KIAA1217: variants seen among roughly 807,000 people sequenced by gnomAD.
KIAA1217 encodes sickle tail protein homolog.
A neutral mutation model predicts 163.9 loss-of-function variants in KIAA1217; 88 were observed. That is an observed-to-expected ratio of 0.54 (90% CI 0.45 to 0.64). KIAA1217 has a LOEUF of 0.64. Ranked by LOEUF, KIAA1217 falls within the 30% of genes least tolerant of loss-of-function variation. The pLI is 0.00. For synonymous variants in KIAA1217, 903 were observed against 923.1 expected (o/e 0.98, Z 0.39); for missense variants, 2,372 against 2,475.0 (o/e 0.96, Z 0.88).
chr10:24,014,043 C>T (rs1207950606), intron 2 of KIAA1217, among the ~76,000 whole-genome samples: 2 of 152,256 alleles, frequency 1.3e-5, no homozygotes, highest in East Asian at 3.9e-4. Flanking sequence ...ACTTTCTTGA[C>T]AGGCAGTAGG....
chr10:24,237,692 G>A (rs369499975), intron 2 of KIAA1217, among the ~76,000 whole-genome samples: 1 of 152,302 alleles, frequency 6.6e-6, no homozygotes, highest in African/African-American at 2.4e-5. Flanking sequence ...GGTTATATCT[G>A]GTTTTTGTTT....
At chr10:23,894,965 C>T (rs532729791) in intron 1 of KIAA1217, among the ~76,000 whole-genome samples, 1 of 152,232 alleles carries the variant, frequency 6.6e-6, no homozygotes, top group African/African-American at 2.4e-5. Context: ...TGGATCCCTT[C>T]CTTACACCTG....
At chr10:24,300,039 C>T (rs220368) in intron 2 of KIAA1217, among the ~76,000 whole-genome samples, 140,248 of 152,232 alleles carry the variant, frequency 0.92, 64,865 homozygotes, top group Non-Finnish European at 0.95. Flanking sequence ...GATTTCTCTG[C>T]TACCGCAGAG....
intron 1 of KIAA1217, among the ~76,000 whole-genome samples, chr10:23,933,085 G>C (rs1843324677): frequency 6.6e-6 from 1 of 152,170 alleles, no homozygotes; most frequent in Non-Finnish European, 1.5e-5. Flanking sequence ...GCTGCTGATT[G>C]CTATTATTTT....
In KIAA1217 at chr10:23,697,340, G is replaced by A. The variant is rs140700131; in HGVS notation, c.-321+2106G>A. Among the ~76,000 whole-genome samples the A allele has an allele frequency of 5.5e-4, 83 of 152,208 alleles. No homozygotes were observed. In the East Asian group the frequency reaches 6.6e-3, roughly 12 times the overall value. On this transcript the variant is annotated intron_variant, in intron 1 of 18. Transcript: ENST00000376462. ...GAATTTATACCCTTGTGCTTTAAAC[G>A]TACTTCATTTAAACCTCATTAAAAT...
chr10:24,048,882 T>C (rs1564637049), intron 2 of KIAA1217, among the ~76,000 whole-genome samples: 1 of 151,436 alleles, frequency 6.6e-6, no homozygotes, highest in Non-Finnish European at 1.5e-5. Flanking sequence ...AATACAAAAA[T>C]TAGCTGTGTG....
rs182225559 is a variant in KIAA1217, at chr10:24,189,400, G to A, written c.-170-30226G>A. Among the ~76,000 whole-genome samples, 65 of 152,246 alleles carry A rather than the reference G, an allele frequency of 4.3e-4. 1 individual carries two copies. The highest frequency in any genetic ancestry group is 2.5e-3 in the East Asian group (13 of 5,166). On this transcript the variant is annotated intron_variant, in intron 2 of 18. Coordinates refer to the KIAA1217 transcript ENST00000376462. ...GAGCAATTCTAGACAATGATTGGTC[G>A]CCTTGGTATAGAACTCTACAATTCC...
At chr10:24,105,040 A>G (rs879845697) in intron 2 of KIAA1217, among the ~76,000 whole-genome samples, 6 of 151,788 alleles carry the variant, frequency 4.0e-5, no homozygotes, top group Non-Finnish European at 8.8e-5. Context: ...GTTCAAAATG[A>G]TGAAACTTCC....
In KIAA1217 at chr10:23,998,706, G is replaced by C. The variant is rs191263081; in HGVS notation, c.-320-8519G>C. ...GGGGAGAATTAGTTGGGGAAACTGG[G>C]CACTTACAAAAGGTCTTACTGATTC... is the stretch of plus-strand genomic sequence containing the variant. On this transcript the variant is annotated intron_variant, in intron 1 of 18. Coordinates refer to the KIAA1217 transcript ENST00000376462. 1.2e-3 allele frequency among the ~76,000 whole-genome samples: 179 copies of C among 152,318 alleles called. 1 individual carries two copies. Among genetic ancestry groups the C allele is most frequent in the African/African-American group, 3.9e-3 (164 of 41,578 alleles).
intron 2 of KIAA1217, among the ~76,000 whole-genome samples, chr10:24,140,274 G>A (rs2064004329): frequency 6.6e-6 from 1 of 151,560 alleles, no homozygotes; most frequent in African/African-American, 2.4e-5. Flanking sequence ...GCAGGAGAAT[G>A]GCATGAACCC....
intron 2 of KIAA1217, among the ~76,000 whole-genome samples, chr10:24,199,703 T>C (rs1050861664): frequency 1.3e-5 from 2 of 152,222 alleles, no homozygotes; most frequent in African/African-American, 2.4e-5. Context: ...TATGTGTCTG[T>C]TTTTAAAGAT....
At chr10:23,898,295 CTA>C (rs202024385) in intron 1 of KIAA1217, among the ~76,000 whole-genome samples, 8 of 150,138 alleles carry the variant, frequency 5.3e-5, no homozygotes, top group Non-Finnish European at 1.0e-4. Context: ...ATTTATAAGA[CTA>C]TATATATACA....
At chr10:24,278,599 A>T (rs959609216) in intron 2 of KIAA1217, among the ~76,000 whole-genome samples, 1 of 152,062 alleles carries the variant, frequency 6.6e-6, no homozygotes, top group Non-Finnish European at 1.5e-5. Context: ...TTGGATACCA[A>T]CTCTGCTGTT....
At chr10:23,765,609 G>A (rs1393612248) in intron 1 of KIAA1217, among the ~76,000 whole-genome samples, 3 of 152,126 alleles carry the variant, frequency 2.0e-5, no homozygotes, top group East Asian at 1.9e-4. Flanking sequence ...GGAAGTGATC[G>A]AATCATGGGG....
chr10:23,929,664 C>G (rs892700184), intron 1 of KIAA1217, among the ~76,000 whole-genome samples: 1 of 152,120 alleles, frequency 6.6e-6, no homozygotes, highest in Non-Finnish European at 1.5e-5. Context: ...TTTGTGGCTG[C>G]GTAGTATCCA....
chr10:23,840,068 T>C lies in KIAA1217; in HGVS notation c.-321+144834T>C, dbSNP rs141544065. 9.0e-4 allele frequency among the ~76,000 whole-genome samples: 137 copies of C among 152,244 alleles called. 3 individuals carry two copies. In the East Asian group the frequency reaches 0.025, roughly 28 times the overall value. On this transcript the variant is annotated intron_variant, in intron 1 of 18. Transcript: ENST00000376462. Reference sequence around the variant, plus strand: ...GGGCAGTGGTGGAAATTGCCTAATGTCCTCTCCTTAAGTTCTGTCCACATT... The same window carrying C: ...GGGCAGTGGTGGAAATTGCCTAATGCCCTCTCCTTAAGTTCTGTCCACATT...
At chr10:24,193,608 G>C (rs1005977162) in intron 2 of KIAA1217, among the ~76,000 whole-genome samples, 4 of 152,184 alleles carry the variant, frequency 2.6e-5, no homozygotes, top group African/African-American at 4.8e-5. Context: ...ACCTGAACAT[G>C]AACAATGGCT....
intron 1 of KIAA1217, among the ~76,000 whole-genome samples, chr10:23,919,277 C>A (rs1354584128): frequency 6.6e-6 from 1 of 151,954 alleles, no homozygotes; most frequent in Middle Eastern, 3.4e-3. Context: ...CTGCAACCAA[C>A]CCCCACCCCA....
chr10:23,931,399 C>T (rs758440557), intron 1 of KIAA1217, among the ~76,000 whole-genome samples: 1 of 152,146 alleles, frequency 6.6e-6, no homozygotes, highest in Admixed American at 6.5e-5. Context: ...GCCCTTCACC[C>T]CTGTACCTAA....
Sources: gnomAD v4.1 joint callset for allele counts (sites outside exome capture counted in the v4.1 genomes callset) on GRCh38, gnomAD v4.1.1 for gene constraint, MANE v1.5 for transcripts, NCBI Gene and HGNC (gene_info 2026-07-23, HGNC 2026-07-21) for gene names.